The following PAX2 variants were observed in gnomAD, a reference collection of about 807,000 sequenced individuals.
PAX2 encodes the protein paired box protein Pax-2.
Under a neutral mutation model 41.7 loss-of-function variants are expected in PAX2, and 9 were observed. The observed-to-expected ratio is 0.22, with a 90% CI of 0.13 to 0.38. PAX2 has a LOEUF of 0.38. PAX2 is among the 10% of genes least tolerant of loss of function. The pLI is 1.00. For missense variants in PAX2, 418 were observed against 531.6 expected, an observed-to-expected ratio of 0.79 and a Z score of 2.10; for synonymous variants, 221 against 212.7, an observed-to-expected ratio of 1.04 and a Z score of -0.34.
chr10:100,822,654 G>A (rs1251782593), intron 7 of PAX2, among the ~76,000 whole-genome samples: 4 of 152,208 alleles, frequency 2.6e-5, no homozygotes, highest in Admixed American at 6.5e-5. Context: ...TGCTGTAGAA[G>A]TTTGGAAGAG....
intron 7 of PAX2, among the ~76,000 whole-genome samples, chr10:100,817,894 T>G (rs1848242835): frequency 6.6e-6 from 1 of 152,246 alleles, no homozygotes; most frequent in South Asian, 2.1e-4. Flanking sequence ...TTTGTTACTT[T>G]AGTGTAATAG....
intron 5 of PAX2, among the ~76,000 whole-genome samples, chr10:100,786,290 C>T (rs1051995715): frequency 1.3e-5 from 2 of 152,164 alleles, no homozygotes; most frequent in Non-Finnish European, 2.9e-5. Flanking sequence ...CTGTGGTTAC[C>T]CACTTGGGCC....
At chr10:100,743,260 G>A (rs569627434), upstream of PAX2, among the ~76,000 whole-genome samples, 4 of 152,280 alleles carry the variant, frequency 2.6e-5, no homozygotes, top group South Asian at 8.3e-4. Context: ...AGGTGTGTGA[G>A]GACAACTTCC....
chr10:100,800,273 C>CTTTTTT (rs59487758), intron 5 of PAX2, among the ~76,000 whole-genome samples: 4 of 108,382 alleles, frequency 3.7e-5, no homozygotes, highest in South Asian at 2.8e-4. Flanking sequence ...TCTTTTCTTT[C>CTTTTTT]TTTTTTTTTT....
intron 5 of PAX2, among the ~76,000 whole-genome samples, chr10:100,795,138 C>T (rs984475021): frequency 2.0e-5 from 3 of 152,240 alleles, no homozygotes; most frequent in African/African-American, 7.2e-5. Flanking sequence ...TCATCTTGTC[C>T]ATTATGCTAG....
At chr10:100,817,485 G>A (rs1455522567) in intron 7 of PAX2, among the ~76,000 whole-genome samples, 1 of 152,226 alleles carries the variant, frequency 6.6e-6, no homozygotes, top group Non-Finnish European at 1.5e-5. Flanking sequence ...GAGGAGGGCG[G>A]GGTGCTGGGA....
chr10:100,799,357 A>AAGG (rs1847457432), intron 5 of PAX2, among the ~76,000 whole-genome samples: 1 of 152,218 alleles, frequency 6.6e-6, no homozygotes, highest in South Asian at 2.1e-4. Flanking sequence ...TCTTGCACAT[A>AAGG]TTTTGAACTC....
chr10:100,757,417 G>A (rs1031347983), intron 3 of PAX2, among the ~76,000 whole-genome samples: 1 of 152,236 alleles, frequency 6.6e-6, no homozygotes, highest in African/African-American at 2.4e-5. Flanking sequence ...TCAGTTATTT[G>A]CATTGTAACA....
At position 100,824,677 on chromosome 10, in the gene PAX2, G is replaced by T; in HGVS notation, c.949G>T (p.Gly317Cys). Reference protein sequence around the residue: ...GRDMASTTLPGYPPHVPPTGQ... With the variant: ...GRDMASTTLPCYPPHVPPTGQ... ...TGACATGGCGAGCACCACTCTGCCT[G>T]GTTACCCCCCTCACGTGCCCCCCAC... Residue 317 changes from glycine to cysteine, a missense_variant, in exon 8 of 10, where the codon GGT (glycine) becomes TGT (cysteine). Physicochemically the swap from Gly to Cys is radical, Grantham distance 159. This residue lies in a region of PAX2 where 310 missense variants were observed against 325.2 expected (regional missense o/e 0.95). Transcript: ENST00000355243. The surrounding 1 kb of genome is among the most constrained non-coding windows in gnomAD (Gnocchi z 6.6). The T allele has an allele frequency of 1.2e-6, 2 of 1,610,342 alleles. No homozygotes were observed. Among genetic ancestry groups the T allele is most frequent in the Non-Finnish European group, 1.7e-6 (2 of 1,176,584 alleles).
At position 100,750,674 on chromosome 10, in the gene PAX2, C is replaced by T. The variant is rs769582983; in HGVS notation, c.213-20C>T. 166 of 1,612,246 alleles carry T rather than the reference C, an allele frequency of 1.0e-4. No homozygotes were observed. The highest frequency in any genetic ancestry group is 1.3e-4 in the Non-Finnish European group (149 of 1,178,616). Reference sequence around the variant, plus strand: ...GCCACAGTCCGCTTCTGGCTGACCCCGCCGGCTTTCCCGGCGCAGGTACTA... The same window carrying T: ...GCCACAGTCCGCTTCTGGCTGACCCTGCCGGCTTTCCCGGCGCAGGTACTA... On this transcript the variant is annotated intron_variant, in intron 2 of 9. Coordinates refer to ENST00000355243, the MANE Select transcript of PAX2 (RefSeq NM_000278.5). The surrounding 1 kb of genome is among the most constrained non-coding windows in gnomAD (Gnocchi z 4.1).
At chr10:100,817,142 C>G (rs1270061136) in intron 7 of PAX2, among the ~76,000 whole-genome samples, 4 of 151,662 alleles carry the variant, frequency 2.6e-5, no homozygotes, top group Non-Finnish European at 5.9e-5. Context: ...CAGTACCTGC[C>G]CAACTCCAAT....
chr10:100,820,505 G>A (rs1421770990), intron 7 of PAX2, among the ~76,000 whole-genome samples: 1 of 152,184 alleles, frequency 6.6e-6, no homozygotes, highest in African/African-American at 2.4e-5. Context: ...GATCACTTGA[G>A]GTCAGGAGTT....
chr10:100,770,168 C>T (rs1846164259), intron 3 of PAX2, among the ~76,000 whole-genome samples: 1 of 152,202 alleles, frequency 6.6e-6, no homozygotes, highest in South Asian at 2.1e-4. Flanking sequence ...CCTACATCTG[C>T]TGCTGCTCAT....
At chr10:100,801,342 T>C (rs1473147419) in intron 5 of PAX2, among the ~76,000 whole-genome samples, 1 of 152,204 alleles carries the variant, frequency 6.6e-6, no homozygotes, top group South Asian at 2.1e-4. Context: ...GCTAAGCAAA[T>C]AGGAAACAGT....
At position 100,750,681 on chromosome 10, in the gene PAX2, T is replaced by C. The variant is rs755648180; in HGVS notation, c.213-13T>C. On this transcript the variant is annotated splice_polypyrimidine_tract_variant and intron_variant, in intron 2 of 9. Transcript: ENST00000355243. This position sits in a 1 kb window ranked among gnomAD's most constrained non-coding sequence, Gnocchi z 4.1. Reference sequence around the variant, plus strand: ...TCCGCTTCTGGCTGACCCCGCCGGCTTTCCCGGCGCAGGTACTACGAGACC... The same window carrying C: ...TCCGCTTCTGGCTGACCCCGCCGGCCTTCCCGGCGCAGGTACTACGAGACC... 25 of 1,612,780 alleles carry C rather than the reference T, an allele frequency of 1.6e-5. No homozygotes were observed. Among genetic ancestry groups the C allele is most frequent in the Non-Finnish European group, 1.9e-5 (22 of 1,179,122 alleles).
chr10:100,758,342 A>G (rs1845711508), intron 3 of PAX2, among the ~76,000 whole-genome samples: 2 of 151,920 alleles, frequency 1.3e-5, no homozygotes, highest in Non-Finnish European at 2.9e-5. Flanking sequence ...GGGTTTCACC[A>G]TGTTAGCCGG....
intron 3 of PAX2, among the ~76,000 whole-genome samples, chr10:100,775,317 C>T (rs898698686): frequency 3.9e-5 from 6 of 152,158 alleles, no homozygotes; most frequent in Admixed American, 2.0e-4. Context: ...CCTTTAGCCC[C>T]GAGTGAAATT....
chr10:100,789,712 C>A (rs565822608), intron 5 of PAX2, among the ~76,000 whole-genome samples: 2 of 152,304 alleles, frequency 1.3e-5, no homozygotes, highest in Admixed American at 1.3e-4. Flanking sequence ...GGAAAAAAAA[C>A]TCATTTATGA....
intron 5 of PAX2, among the ~76,000 whole-genome samples, chr10:100,804,200 G>A (rs1031768607): frequency 4.0e-5 from 6 of 151,810 alleles, no homozygotes; most frequent in Middle Eastern, 3.4e-3. Flanking sequence ...GATCTGAAGG[G>A]CCCCTGAATA....
Sources: gnomAD v4.1 joint callset for allele counts (sites outside exome capture counted in the v4.1 genomes callset) on GRCh38, gnomAD v4.1.1 for gene constraint, gnomAD v4.1.1 regional missense constraint, Gnocchi (gnomAD v3.1) non-coding constraint, MANE v1.5 for transcripts, NCBI Gene and HGNC (gene_info 2026-07-23, HGNC 2026-07-21) for gene names.